The following CLNK variants were observed in gnomAD, a reference collection of about 807,000 sequenced individuals.
CLNK encodes cytokine dependent hematopoietic cell linker, also known as cytokine-dependent hematopoietic cell linker.
A neutral mutation model predicts 68.6 loss-of-function variants in CLNK; 74 were observed. The ratio of observed to expected loss-of-function variants is 1.08; its 90% CI spans 0.89 to 1.31. CLNK has a LOEUF of 1.31. Ranked by LOEUF, CLNK falls within the 50% of genes most tolerant of loss-of-function variation. CLNK has a pLI of 0.00. For missense variants in CLNK, 553 were observed against 515.3 expected (o/e 1.07, Z -0.71); for synonymous variants, 198 against 172.2 (o/e 1.15, Z -1.17).
At chr4:10,587,172 G>A (rs1408379175) in intron 3 of CLNK, among the ~76,000 whole-genome samples, 1 of 152,056 alleles carries the variant, frequency 6.6e-6, no homozygotes, top group East Asian at 1.9e-4. Context: ...CACCATGTTG[G>A]CCAGGCTGGT....
intron 8 of CLNK, among the ~76,000 whole-genome samples, chr4:10,549,337 T>C (rs1038069401): frequency 1.3e-5 from 2 of 152,220 alleles, no homozygotes; most frequent in Non-Finnish European, 2.9e-5. Context: ...GCTTTGATGG[T>C]AATTCAGATA....
intron 4 of CLNK, among the ~76,000 whole-genome samples, chr4:10,574,955 C>G (rs1720501777): frequency 6.6e-6 from 1 of 152,184 alleles, no homozygotes; most frequent in South Asian, 2.1e-4. Context: ...TTGAAAGGGA[C>G]AGGAATTGCT....
chr4:10,585,007 A>AC (rs1228203825), intron 3 of CLNK, 52 bp from the exon 4 acceptor site: 6 of 1,584,454 alleles, frequency 3.8e-6, no homozygotes, highest in Non-Finnish European at 5.2e-6. Context: ...ACCTCCACCG[A>AC]CCCCCCGCCA....
chr4:10,641,859 G>A (rs1047329995), intron 2 of CLNK, among the ~76,000 whole-genome samples: 4 of 152,156 alleles, frequency 2.6e-5, no homozygotes, highest in African/African-American at 9.7e-5. Flanking sequence ...TCTCATGGTA[G>A]TGATTAAGTC....
intron 1 of CLNK, among the ~76,000 whole-genome samples, chr4:10,676,980 A>ATTT (rs10647095): frequency 0.087 from 12,548 of 143,432 alleles, 671 homozygotes; most frequent in South Asian, 0.16. Flanking sequence ...TCTCGCCCCT[A>ATTT]TTTTTTTTTT....
At chr4:10,527,896 A>G (rs7657102) in intron 13 of CLNK, among the ~76,000 whole-genome samples, 180 bp downstream of exon 13, 7,664 of 152,004 alleles carry the variant, frequency 0.05, 474 homozygotes, top group African/African-American at 0.14. Flanking sequence ...AGACTAGAGG[A>G]CTCTGAGGTC....
At chr4:10,623,033 T>G (rs895434077) in intron 2 of CLNK, among the ~76,000 whole-genome samples, 1 of 152,190 alleles carries the variant, frequency 6.6e-6, no homozygotes, top group African/African-American at 2.4e-5. Context: ...CATTGGGGAT[T>G]AACTAGGGCT....
intron 2 of CLNK, among the ~76,000 whole-genome samples, chr4:10,632,220 A>G (rs1722920433): frequency 6.6e-6 from 1 of 152,196 alleles, no homozygotes; most frequent in South Asian, 2.1e-4. Context: ...TGACCATCTC[A>G]TGCCTCTGGA....
intron 1 of CLNK, among the ~76,000 whole-genome samples, chr4:10,669,970 G>A (rs1250365717): frequency 6.6e-6 from 1 of 152,132 alleles, no homozygotes; most frequent in Non-Finnish European, 1.5e-5. Context: ...ATACTGGAAG[G>A]GTCCTGGACT....
At chr4:10,640,562 A>C (rs1156540068) in intron 2 of CLNK, among the ~76,000 whole-genome samples, 1 of 152,176 alleles carries the variant, frequency 6.6e-6, no homozygotes, top group Non-Finnish European at 1.5e-5. Flanking sequence ...TTCTTCCTCT[A>C]TTGCTAACTG....
intron 15 of CLNK, among the ~76,000 whole-genome samples, chr4:10,515,797 T>C (rs1045868583): frequency 2.0e-5 from 3 of 152,228 alleles, no homozygotes; most frequent in South Asian, 2.1e-4. Flanking sequence ...CAGACCTGTT[T>C]ATGTCTATTA....
the CLNK span, among the ~76,000 whole-genome samples, chr4:10,714,206 T>G: frequency 6.6e-6 from 1 of 152,164 alleles, no homozygotes; most frequent in Non-Finnish European, 1.5e-5. Context: ...AAATCAGGTT[T>G]GTGATTTTGC....
chr4:10,553,222 G>A lies in CLNK; in HGVS notation c.445+5185C>T, dbSNP rs141018518. 1.7e-3 allele frequency among the ~76,000 whole-genome samples: 254 copies of A among 152,216 alleles called. 1 individual carries two copies. The highest frequency in any genetic ancestry group is 5.5e-3 in the African/African-American group (228 of 41,516). On this transcript the variant is annotated intron_variant, in intron 8 of 18. Transcript: ENST00000226951. ...CAGAATTGAAACTAATATATGAGTC[G>A]ATCTAGGTTTTTCTAAAATGTGTTC...
At chr4:10,609,637 G>A (rs2108852892) in intron 2 of CLNK, among the ~76,000 whole-genome samples, 1 of 152,294 alleles carries the variant, frequency 6.6e-6, no homozygotes, top group South Asian at 2.1e-4. Flanking sequence ...ATGCCTCAAG[G>A]GAATAACTAA....
At chr4:10,532,196 G>A (rs1420562446) in intron 12 of CLNK, 60 bp downstream of exon 12, 2 of 1,258,072 alleles carry the variant, frequency 1.6e-6, no homozygotes, top group Non-Finnish European at 2.3e-6. Flanking sequence ...CTTGCCTATT[G>A]CAGACATTTA....
the CLNK span, among the ~76,000 whole-genome samples, chr4:10,702,839 C>G: frequency 6.6e-6 from 1 of 152,056 alleles, no homozygotes; most frequent in African/African-American, 2.4e-5. Context: ...CAGATGGACC[C>G]CCATTGAGAT....
At chr4:10,708,768 G>T in the CLNK span, among the ~76,000 whole-genome samples, 1 of 152,170 alleles carries the variant, frequency 6.6e-6, no homozygotes, top group Admixed American at 6.5e-5. Context: ...GTTTTTGCAA[G>T]ACATTAGAGG....
chr4:10,722,130 T>C, the CLNK span, among the ~76,000 whole-genome samples: 4 of 152,134 alleles, frequency 2.6e-5, no homozygotes, highest in African/African-American at 7.2e-5. Flanking sequence ...GCCCTGATCA[T>C]GCCACTGCAT....
chr4:10,602,157 C>A (rs1050260966), intron 2 of CLNK, among the ~76,000 whole-genome samples: 1 of 152,256 alleles, frequency 6.6e-6, no homozygotes, highest in African/African-American at 2.4e-5. Context: ...TCAATGATAC[C>A]CATCTAGTCC....
Sources: gnomAD v4.1 joint callset for allele counts (sites outside exome capture counted in the v4.1 genomes callset) on GRCh38, gnomAD v4.1.1 for gene constraint, MANE v1.5 for transcripts, NCBI Gene and HGNC (gene_info 2026-07-23, HGNC 2026-07-21) for gene names.